The following PACS1 variants were observed in gnomAD, a reference collection of about 807,000 sequenced individuals.
PACS1 encodes the protein phosphofurin acidic cluster sorting protein 1.
A neutral mutation model predicts 115.0 loss-of-function variants in PACS1; 24 were observed. The observed-to-expected ratio is 0.21, with a 90% CI of 0.15 to 0.29. PACS1 has a LOEUF of 0.29. Ranked by LOEUF, PACS1 falls within the 10% of genes least tolerant of loss-of-function variation. The probability of loss-of-function intolerance (pLI) is 1.00; values close to 1 mark genes in which losing one functional copy is unlikely to be tolerated. For synonymous variants in PACS1, 453 were observed against 504.5 expected, an observed-to-expected ratio of 0.90 and a Z score of 1.37; for missense variants, 838 against 1,251.2, an observed-to-expected ratio of 0.67 and a Z score of 4.98.
At chr11:66,101,729 T>C (rs750469749) in intron 1 of PACS1, among the ~76,000 whole-genome samples, 1 of 152,114 alleles carries the variant, frequency 6.6e-6, no homozygotes, top group Non-Finnish European at 1.5e-5. Context: ...TGCACTAAAA[T>C]TACCTACCAG....
chr11:66,239,613 T>C (rs1193407559), intron 21 of PACS1, among the ~76,000 whole-genome samples: 1 of 152,154 alleles, frequency 6.6e-6, no homozygotes, highest in East Asian at 1.9e-4. Context: ...TTTCACAGTA[T>C]TGGGTTGAAT....
At chr11:66,116,749 G>T (rs117229947) in intron 1 of PACS1, among the ~76,000 whole-genome samples, 6,090 of 152,000 alleles carry the variant, frequency 0.04, 160 homozygotes, top group South Asian at 0.07. Context: ...TATTAGCCAG[G>T]CGTGGTGGTG....
At chr11:66,096,209 C>CTTTTTTTTTTTTTTTTT (rs66569530) in intron 1 of PACS1, among the ~76,000 whole-genome samples, 12 of 119,500 alleles carry the variant, frequency 1.0e-4, no homozygotes, top group East Asian at 5.8e-4. Context: ...CTTTTTCTTT[C>CTTTTTTTTTTTTTTTTT]TTTTTTTTTT....
intron 1 of PACS1, among the ~76,000 whole-genome samples, chr11:66,082,297 T>C (rs1221685963): frequency 1.3e-5 from 2 of 152,180 alleles, no homozygotes; most frequent in Non-Finnish European, 2.9e-5. Flanking sequence ...CAATCATAGC[T>C]CACTGCAGCC....
At chr11:66,185,556 A>C (rs924203723) in intron 1 of PACS1, among the ~76,000 whole-genome samples, 1 of 152,116 alleles carries the variant, frequency 6.6e-6, no homozygotes, top group Admixed American at 6.5e-5. Context: ...TCCCCAGATG[A>C]AAAGGACGGG....
In PACS1 at chr11:66,099,632, G is replaced by A. The variant is rs1319825822; in HGVS notation, c.356+28790G>A. ...TCGATATCAGCTCACTGCAACCTCC[G>A]CCTCCTGGGCTCAAGTCATCCTCCC... is the stretch of plus-strand genomic sequence containing the variant. On this transcript the variant is annotated intron_variant, in intron 1 of 23. Coordinates refer to ENST00000320580, the MANE Select transcript of PACS1 (RefSeq NM_018026.4). 4.0e-5 allele frequency among the ~76,000 whole-genome samples: 6 copies of A among 151,732 alleles called. No individual in the cohort carries two copies. In the East Asian group the frequency reaches 7.8e-4, roughly 20 times the overall value.
intron 20 of PACS1, 144 bp downstream of exon 20, chr11:66,238,990 C>T: frequency 7.2e-7 from 1 of 1,380,060 alleles, no homozygotes; most frequent in Admixed American, 2.0e-5. Flanking sequence ...CCCTCACTCC[C>T]CTGCTGCGGT....
rs562276688 is a variant in PACS1 at position 66,073,647 on chromosome 11, C to T, written c.356+2805C>T. Among the ~76,000 whole-genome samples, 8 of 152,186 alleles carry T rather than the reference C, an allele frequency of 5.3e-5. No homozygotes were observed. The East Asian group carries it at 1.2e-3, about 22-fold the overall frequency. On this transcript the variant is annotated intron_variant, in intron 1 of 23. Coordinates refer to ENST00000320580, the MANE Select transcript of PACS1 (RefSeq NM_018026.4). ...CTCTTATTTAACATCTGTTAAATTCCCCCAGAATACATAGTACTTTTGAAA... is the reference window on the plus strand; with the variant it reads ...CTCTTATTTAACATCTGTTAAATTCTCCCAGAATACATAGTACTTTTGAAA...
At chr11:66,171,089 A>G (rs1177400548) in intron 1 of PACS1, among the ~76,000 whole-genome samples, 1 of 150,282 alleles carries the variant, frequency 6.7e-6, no homozygotes, top group Non-Finnish European at 1.5e-5. Flanking sequence ...TTTAATTATC[A>G]ATTACTAAGA....
At chr11:66,193,464 T>G in intron 1 of PACS1, 22 bp from the exon 2 acceptor site, 2 of 1,554,450 alleles carry the variant, frequency 1.3e-6, no homozygotes, top group Non-Finnish European at 8.9e-7. Context: ...TATGACAGCA[T>G]CTTCCTTCTC....
At chr11:66,148,861 G>T (rs1488157780) in intron 1 of PACS1, among the ~76,000 whole-genome samples, 1 of 152,128 alleles carries the variant, frequency 6.6e-6, no homozygotes, top group African/African-American at 2.4e-5. Context: ...GGGAGGTGGA[G>T]GTTGCAGTGA....
intron 1 of PACS1, among the ~76,000 whole-genome samples, chr11:66,101,417 G>A (rs1277577280): frequency 1.3e-5 from 2 of 152,128 alleles, no homozygotes; most frequent in Non-Finnish European, 2.9e-5. Flanking sequence ...ACTAATTTTT[G>A]CATCCTGTTT....
intron 1 of PACS1, among the ~76,000 whole-genome samples, chr11:66,178,747 A>G (rs2080354978): frequency 6.6e-6 from 1 of 152,218 alleles, no homozygotes. Context: ...GCTTAATAGA[A>G]AATAGCTAAG....
Position 66,238,087 on chromosome 11 carries a change from G to A in PACS1, c.2251-717G>A, listed in dbSNP as rs1329870947. 5.1e-6 allele frequency: 5 copies of A among 985,366 alleles called. No homozygotes were observed. In the South Asian group the frequency reaches 1.4e-4, roughly 28 times the overall value. 61.0% of individuals were successfully genotyped at this position (985,366 alleles called of 1,614,324 possible). ...CTGGATGCTCACCTAGTCTGTGGCTGTGTTCTTTTCTAGCCACTGGAGGGC... is the reference window on the plus strand; with the variant it reads ...CTGGATGCTCACCTAGTCTGTGGCTATGTTCTTTTCTAGCCACTGGAGGGC... On this transcript the variant is annotated intron_variant, in intron 19 of 23. Coordinates refer to ENST00000320580, the MANE Select transcript of PACS1 (RefSeq NM_018026.4).
At position 66,204,230 on chromosome 11, in the gene PACS1, C is replaced by T. The variant is rs117896908; in HGVS notation, c.445-6132C>T. Among the ~76,000 whole-genome samples, 1,937 of 152,220 alleles carry T rather than the reference C, an allele frequency of 0.013. 93 individuals carry two copies. The East Asian group carries it at 0.17, about 13-fold the overall frequency. On this transcript the variant is annotated intron_variant, in intron 2 of 23. Coordinates refer to ENST00000320580, the MANE Select transcript of PACS1 (RefSeq NM_018026.4). ...ATAATCCGATTAAGAAATGGGCAAACGATCTGAATAGACATCTCTCAAAAG... is the reference window on the plus strand; with the variant it reads ...ATAATCCGATTAAGAAATGGGCAAATGATCTGAATAGACATCTCTCAAAAG...
At chr11:66,078,084 A>G (rs554793523) in intron 1 of PACS1, among the ~76,000 whole-genome samples, 80 of 152,306 alleles carry the variant, frequency 5.3e-4, no homozygotes, top group Admixed American at 2.8e-3. Flanking sequence ...AATCTCAAAT[A>G]TCGTTCTTCC....
chr11:66,122,588 G>A (rs79423943), intron 1 of PACS1, among the ~76,000 whole-genome samples: 3,998 of 152,294 alleles, frequency 0.026, 167 homozygotes, highest in African/African-American at 0.09. Flanking sequence ...ATGGGAGGAG[G>A]TCAAAGTATC....
rs553501570 is a variant in PACS1 at position 66,210,547 on chromosome 11, C to G, written c.534+96C>G. Reference sequence around the variant, plus strand: ...AGAGACTGTTTTATCCCAGAGCCCCCATTCCCCAACTTGGGCAGGAATGAA... The same window carrying G: ...AGAGACTGTTTTATCCCAGAGCCCCGATTCCCCAACTTGGGCAGGAATGAA... On this transcript the variant is annotated intron_variant, in intron 3 of 23. Transcript: ENST00000320580. 9.7e-6 allele frequency: 9 copies of G among 926,774 alleles called. No homozygotes were observed. In the Admixed American group the frequency reaches 1.5e-4, roughly 16 times the overall value. The allele number at this position is 926,774 out of a possible 1,614,324, so 57.4% of individuals were successfully genotyped here. A position where few individuals can be genotyped will look rare whatever the true frequency, so the allele number is the denominator to read the frequency against.
rs374956523 is a variant in PACS1 at position 66,128,898 on chromosome 11, ATGTG to A, written c.356+58057_356+58060del. 1.7e-3 allele frequency among the ~76,000 whole-genome samples: 260 copies of A among 151,178 alleles called. 1 individual carries two copies. The East Asian group carries it at 0.027, about 15-fold the overall frequency. On this transcript the variant is annotated intron_variant, in intron 1 of 23. Transcript: ENST00000320580. ...GACTCCATCTCAAAAAAAAAAAAAAATGTGAGTGAGATATCTTGACAAAAGACGG... is the reference window on the plus strand; with the variant it reads ...GACTCCATCTCAAAAAAAAAAAAAAAAGTGAGATATCTTGACAAAAGACGG...
Sources: allele counts gnomAD v4.1 joint callset (sites outside exome capture counted in the v4.1 genomes callset), GRCh38; gene constraint gnomAD v4.1.1; transcripts MANE v1.5; gene names NCBI Gene and HGNC (gene_info 2026-07-23, HGNC 2026-07-21).